GRIK2: variants seen among roughly 807,000 people sequenced by gnomAD.
GRIK2 encodes glutamate ionotropic receptor kainate type subunit 2.
In GRIK2, 32 loss-of-function variants were observed where a neutral mutation model predicts 100.3. The observed-to-expected ratio is 0.32, with a 90% CI of 0.24 to 0.43. The LOEUF is 0.43. Ranked by LOEUF, GRIK2 falls within the 20% of genes least tolerant of loss-of-function variation. The pLI is 1.00. For missense variants in GRIK2, 843 were observed against 1,114.9 expected (o/e 0.76, Z 3.47); for synonymous variants, 417 against 389.4 (o/e 1.07, Z -0.83).
At chr6:101,701,469 ACTT>A (rs960878898) in intron 7 of GRIK2, among the ~76,000 whole-genome samples, 2 of 152,008 alleles carry the variant, frequency 1.3e-5, no homozygotes, top group Non-Finnish European at 2.9e-5. Flanking sequence ...TATCAAATAA[ACTT>A]CTCAGATTTC....
intron 7 of GRIK2, among the ~76,000 whole-genome samples, chr6:101,739,752 C>G (rs1775903518): frequency 6.6e-6 from 1 of 152,040 alleles, no homozygotes; most frequent in African/African-American, 2.4e-5. Context: ...CTCCTCTAAC[C>G]TACTTAAAAA....
At chr6:101,545,950 T>A (rs2128290309) in intron 2 of GRIK2, among the ~76,000 whole-genome samples, 1 of 152,246 alleles carries the variant, frequency 6.6e-6, no homozygotes, top group African/African-American at 2.4e-5. Context: ...CTCAACATTT[T>A]TTTTTTTTCT....
At chr6:101,914,968 C>G (rs1465137852) in intron 12 of GRIK2, among the ~76,000 whole-genome samples, 5 of 151,442 alleles carry the variant, frequency 3.3e-5, no homozygotes, top group Non-Finnish European at 7.4e-5. Flanking sequence ...CATTATGAAG[C>G]CTTTTACATC....
intron 4 of GRIK2, among the ~76,000 whole-genome samples, chr6:101,668,398 C>T (rs1016753793): frequency 1.9e-4 from 29 of 152,092 alleles, no homozygotes; most frequent in Non-Finnish European, 3.1e-4. Context: ...TTATAGTTAG[C>T]TCTCTTCTCT....
intron 2 of GRIK2, among the ~76,000 whole-genome samples, chr6:101,453,455 G>C (rs960946468): frequency 2.0e-5 from 3 of 151,882 alleles, no homozygotes; most frequent in African/African-American, 7.3e-5. Context: ...AAGCTAAGCT[G>C]CTTAAATATT....
intron 7 of GRIK2, among the ~76,000 whole-genome samples, chr6:101,757,875 T>A (rs1272775008): frequency 6.6e-6 from 1 of 152,252 alleles, no homozygotes; most frequent in African/African-American, 2.4e-5. Context: ...ATTTTAGTAG[T>A]TTTTTTCTGC....
intron 7 of GRIK2, among the ~76,000 whole-genome samples, chr6:101,696,500 A>AT (rs546992806): frequency 5.7e-4 from 86 of 152,076 alleles, no homozygotes; most frequent in African/African-American, 2.0e-3. Flanking sequence ...AAGAATATGA[A>AT]TTTTAAGGAT....
At chr6:101,399,494 A>T (rs1206151258) in intron 2 of GRIK2, 102 bp downstream of exon 2, 2 of 739,286 alleles carry the variant, frequency 2.7e-6, no homozygotes, top group Non-Finnish European at 5.1e-6. Context: ...GTGGATTCTG[A>T]TCTGCTCACT....
chr6:101,950,589 G>A (rs1791549368), intron 14 of GRIK2, among the ~76,000 whole-genome samples: 1 of 152,102 alleles, frequency 6.6e-6, no homozygotes, highest in East Asian at 1.9e-4. Flanking sequence ...ACATTTTCAT[G>A]ACAAATGAAG....
chr6:101,807,594 G>A (rs951571849), intron 9 of GRIK2, among the ~76,000 whole-genome samples: 2 of 151,902 alleles, frequency 1.3e-5, no homozygotes, highest in African/African-American at 2.4e-5. Flanking sequence ...GACCTCAGGT[G>A]TGCTGTGATT....
At chr6:101,982,045 A>G (rs779255605) in intron 14 of GRIK2, among the ~76,000 whole-genome samples, 2 of 151,918 alleles carry the variant, frequency 1.3e-5, no homozygotes, top group South Asian at 2.1e-4. Context: ...GCCAGGCACT[A>G]TATTTTCACA....
intron 2 of GRIK2, among the ~76,000 whole-genome samples, chr6:101,494,164 T>A (rs1773306068): frequency 6.6e-6 from 1 of 151,042 alleles, no homozygotes; most frequent in South Asian, 2.1e-4. Context: ...AACACTCATT[T>A]ATATATGAAT....
At chr6:102,068,195 A>G in intron 16 of GRIK2, 152 bp from the exon 17 acceptor site, 1 of 578,410 alleles carries the variant, frequency 1.7e-6, no homozygotes, top group South Asian at 2.5e-5. Flanking sequence ...GAGTGTTTAA[A>G]GTGTGACATT....
intron 12 of GRIK2, among the ~76,000 whole-genome samples, chr6:101,922,984 G>C: frequency 6.6e-6 from 1 of 152,168 alleles, no homozygotes; most frequent in East Asian, 1.9e-4. Context: ...TTCTATTTCA[G>C]TCAGACACAA....
intron 2 of GRIK2, among the ~76,000 whole-genome samples, chr6:101,604,632 A>C (rs71566378): frequency 1.3e-3 from 195 of 151,892 alleles, no homozygotes; most frequent in Non-Finnish European, 1.5e-3. Flanking sequence ...GCCGAGGATG[A>C]TAAACTATGC....
chr6:101,511,300 T>C (rs1473500011), intron 2 of GRIK2, among the ~76,000 whole-genome samples: 1 of 152,202 alleles, frequency 6.6e-6, no homozygotes, highest in African/African-American at 2.4e-5. Context: ...GACATTTAAC[T>C]ACCAAGTTTC....
chr6:101,533,683 T>G (rs759077614), intron 2 of GRIK2, among the ~76,000 whole-genome samples: 2 of 151,946 alleles, frequency 1.3e-5, no homozygotes, highest in Non-Finnish European at 2.9e-5. Context: ...AGGCCAGTCA[T>G]GCTGATAGGG....
intron 13 of GRIK2, among the ~76,000 whole-genome samples, chr6:101,926,363 C>T (rs775260866): frequency 7.9e-5 from 12 of 151,912 alleles, no homozygotes; most frequent in Non-Finnish European, 1.2e-4. Context: ...AACTGCTAGT[C>T]GTCTGTTAAT....
At position 101,897,558 on chromosome 6, in the gene GRIK2, A is replaced by G. The variant is rs1787551964; in HGVS notation, c.1748+7695A>G. 2.0e-5 allele frequency among the ~76,000 whole-genome samples: 3 copies of G among 151,928 alleles called. No individual in the cohort carries two copies. In the South Asian group the frequency reaches 6.2e-4, roughly 31 times the overall value. ...CCTAAGAAAGGTCTTCTCAATCTGA[A>G]ACAACTATTCCAGCAAAATCAGTGG... On this transcript the variant is annotated intron_variant, in intron 12 of 16. Coordinates refer to ENST00000369134, the MANE Select transcript of GRIK2 (RefSeq NM_021956.5).
Sources: allele counts gnomAD v4.1 joint callset (sites outside exome capture counted in the v4.1 genomes callset), GRCh38; gene constraint gnomAD v4.1.1; transcripts MANE v1.5; gene names NCBI Gene and HGNC (gene_info 2026-07-23, HGNC 2026-07-21).